KCNIP4: variants seen among roughly 807,000 people sequenced by gnomAD.
The protein encoded by KCNIP4 is potassium voltage-gated channel interacting protein 4, also known as Kv channel-interacting protein 4.
In KCNIP4, 12 loss-of-function variants were observed where a neutral mutation model predicts 34.0. The ratio of observed to expected loss-of-function variants is 0.35; its 90% CI spans 0.23 to 0.57. The LOEUF (loss-of-function observed/expected upper bound fraction) is 0.57. Among genes scored for constraint, KCNIP4 ranks in the 20% least tolerant of loss-of-function variants. The pLI is 0.83. For missense variants in KCNIP4, 238 were observed against 311.7 expected (o/e 0.76, Z 1.78); for synonymous variants, 124 against 102.2 (o/e 1.21, Z -1.29).
intron 1 of KCNIP4, among the ~76,000 whole-genome samples, chr4:21,225,752 A>C (rs751655568): frequency 6.6e-6 from 1 of 152,168 alleles, no homozygotes. Flanking sequence ...AAGAAGAAAA[A>C]TGGAGCCAGA....
At chr4:21,349,570 G>T (rs1017924741) in intron 1 of KCNIP4, among the ~76,000 whole-genome samples, 9 of 152,106 alleles carry the variant, frequency 5.9e-5, no homozygotes, top group African/African-American at 1.9e-4. Context: ...ACCATAGAAG[G>T]CATTTAATTA....
At chr4:21,373,428 A>G (rs1382992358) in intron 1 of KCNIP4, among the ~76,000 whole-genome samples, 1 of 147,690 alleles carries the variant, frequency 6.8e-6, no homozygotes, top group Non-Finnish European at 1.5e-5. Flanking sequence ...TCAACTAAAA[A>G]GGTCTGAGAG....
intron 1 of KCNIP4, among the ~76,000 whole-genome samples, chr4:21,353,666 A>G (rs7674880): frequency 0.72 from 109,941 of 152,170 alleles, 40,630 homozygotes; most frequent in African/African-American, 0.87. Context: ...CCAAATCTAC[A>G]TTTGATTGGT....
chr4:21,666,658 A>G (rs1181577165), intron 1 of KCNIP4, among the ~76,000 whole-genome samples: 1 of 152,236 alleles, frequency 6.6e-6, no homozygotes, highest in East Asian at 1.9e-4. Context: ...CATTAAATTA[A>G]CAATACTAAT....
At chr4:21,194,033 G>A (rs183825780) in intron 1 of KCNIP4, among the ~76,000 whole-genome samples, 71 of 152,206 alleles carry the variant, frequency 4.7e-4, no homozygotes, top group Admixed American at 1.6e-3. Context: ...TAGAACACGT[G>A]GAAGCACAGA....
intron 1 of KCNIP4, among the ~76,000 whole-genome samples, chr4:21,171,547 G>T (rs730349): frequency 0.51 from 76,933 of 151,912 alleles, 19,742 homozygotes; most frequent in African/African-American, 0.53. Flanking sequence ...TCAGAACAGC[G>T]ATGGGATCAG....
intron 1 of KCNIP4, among the ~76,000 whole-genome samples, chr4:21,628,416 GTGTA>G (rs1238842642): frequency 6.6e-6 from 1 of 152,082 alleles, no homozygotes; most frequent in Non-Finnish European, 1.5e-5. Context: ...TCCTCAAGGT[GTGTA>G]AGTCCTAGCA....
intron 1 of KCNIP4, among the ~76,000 whole-genome samples, chr4:21,703,723 ACT>A (rs1475773730): frequency 2.6e-5 from 4 of 152,098 alleles, no homozygotes; most frequent in African/African-American, 4.8e-5. Flanking sequence ...AATTACAAAA[ACT>A]CTGATAAAAA....
At chr4:21,492,602 T>C (rs1732505367) in intron 1 of KCNIP4, among the ~76,000 whole-genome samples, 1 of 152,184 alleles carries the variant, frequency 6.6e-6, no homozygotes, top group Non-Finnish European at 1.5e-5. Flanking sequence ...TGAGTGAATA[T>C]ATGTGTGACT....
intron 1 of KCNIP4, among the ~76,000 whole-genome samples, chr4:21,269,615 C>T (rs967724974): frequency 1.3e-5 from 2 of 152,026 alleles, no homozygotes; most frequent in African/African-American, 4.8e-5. Context: ...GGCTGATCTC[C>T]AACTCCTGAG....
At chr4:20,752,143 C>T (rs987183046) in intron 4 of KCNIP4, among the ~76,000 whole-genome samples, 1 of 150,526 alleles carries the variant, frequency 6.6e-6, no homozygotes, top group South Asian at 2.1e-4. Flanking sequence ...ACTGCAGCCT[C>T]CACCTCCTGG....
chr4:21,526,793 T>C (rs887897711), intron 1 of KCNIP4, among the ~76,000 whole-genome samples: 1 of 152,192 alleles, frequency 6.6e-6, no homozygotes, highest in Non-Finnish European at 1.5e-5. Context: ...GGAAATATTA[T>C]TAAAGAACGC....
chr4:21,490,254 TAACATTAATTC>T (rs1732277582), intron 1 of KCNIP4, among the ~76,000 whole-genome samples: 1 of 152,182 alleles, frequency 6.6e-6, no homozygotes, highest in Admixed American at 6.6e-5. Context: ...AAAAATGGGC[TAACATTAATTC>T]AACTACTTTT....
At chr4:20,960,958 T>A (rs1456194330) in intron 1 of KCNIP4, among the ~76,000 whole-genome samples, 2 of 152,142 alleles carry the variant, frequency 1.3e-5, no homozygotes, top group Non-Finnish European at 2.9e-5. Flanking sequence ...GTTTTTGCAG[T>A]TTCGAAAATG....
At chr4:21,125,188 C>CTTATTTTATT (rs71189682) in intron 1 of KCNIP4, among the ~76,000 whole-genome samples, 13,576 of 118,914 alleles carry the variant, frequency 0.11, 1,049 homozygotes, top group Middle Eastern at 0.21. Flanking sequence ...TTTATTTTGT[C>CTTATTTTATT]TTATTTTATT....
chr4:21,715,469 A>ACTT (rs1714302202), intron 1 of KCNIP4, among the ~76,000 whole-genome samples: 5 of 152,032 alleles, frequency 3.3e-5, no homozygotes, highest in Non-Finnish European at 7.4e-5. Flanking sequence ...ACTGAGCTAT[A>ACTT]CTTTACTGAC....
Position 21,132,792 on chromosome 4 carries a change from T to G in KCNIP4, c.62-250083A>C, listed in dbSNP as rs1225507276. On this transcript the variant is annotated intron_variant, in intron 1 of 8. Transcript: ENST00000382152. The stretch of plus-strand genomic sequence containing the variant: ...GGGACGCTAAGGCAGGCAGATTACC[T>G]GAGCTCAGGAGTTCGAGACCAGCCT... Among the ~76,000 whole-genome samples, 20 of 149,758 alleles carry G rather than the reference T, an allele frequency of 1.3e-4. No homozygotes were observed. The Admixed American group carries it at 1.4e-3, about 10-fold the overall frequency.
At position 21,748,114 on chromosome 4, in the gene KCNIP4, C is replaced by T. The variant is rs1272364616; in HGVS notation, c.61+200457G>A. On this transcript the variant is annotated intron_variant, in intron 1 of 8. Coordinates refer to ENST00000382152, the MANE Select transcript of KCNIP4 (RefSeq NM_025221.6). ...CATAAATTTCTGTTGTTTTAAGTAACCTAGTTTGTGATGATTTGTTATGAC... is the reference window on the plus strand; with the variant it reads ...CATAAATTTCTGTTGTTTTAAGTAATCTAGTTTGTGATGATTTGTTATGAC... Among the ~76,000 whole-genome samples the T allele has an allele frequency of 2.6e-5, 4 of 152,090 alleles. No individual in the cohort carries two copies. In the East Asian group the frequency reaches 7.7e-4, roughly 29 times the overall value.
intron 1 of KCNIP4, among the ~76,000 whole-genome samples, chr4:21,718,029 C>T (rs1433820271): frequency 6.6e-6 from 1 of 152,050 alleles, no homozygotes; most frequent in Non-Finnish European, 1.5e-5. Flanking sequence ...AGCAATTTAA[C>T]AAAGGGGCAA....
Sources: allele counts gnomAD v4.1 joint callset (sites outside exome capture counted in the v4.1 genomes callset), GRCh38; gene constraint gnomAD v4.1.1; transcripts MANE v1.5; gene names NCBI Gene and HGNC (gene_info 2026-07-23, HGNC 2026-07-21).